The following SGMS1 variants were observed in gnomAD, a reference collection of about 807,000 sequenced individuals.
SGMS1 encodes the protein phosphatidylcholine:ceramide cholinephosphotransferase 1.
Under a neutral mutation model 46.2 loss-of-function variants are expected in SGMS1, and 13 were observed. That is an observed-to-expected ratio of 0.28 (90% confidence interval 0.18 to 0.45). The LOEUF (loss-of-function observed/expected upper bound fraction) is 0.45, where lower values mean the gene tolerates loss of function less well. Ranked by LOEUF, SGMS1 falls within the 20% of genes least tolerant of loss-of-function variation. SGMS1 has a pLI of 1.00. For synonymous variants in SGMS1, 203 were observed against 187.8 expected (o/e 1.08, Z -0.66); for missense variants, 324 against 519.9 (o/e 0.62, Z 3.66).
At chr10:50,574,813 A>G (rs377180372) in intron 2 of SGMS1, among the ~76,000 whole-genome samples, 21 of 152,118 alleles carry the variant, frequency 1.4e-4, no homozygotes, top group African/African-American at 5.1e-4. Context: ...ACACAAAGAA[A>G]TGACAAATGT....
chr10:50,403,906 C>T (rs1173006338), intron 6 of SGMS1, among the ~76,000 whole-genome samples: 2 of 151,788 alleles, frequency 1.3e-5, no homozygotes, highest in Non-Finnish European at 2.9e-5. Context: ...AACCCCTACC[C>T]TTCTTTTATT....
chr10:50,325,536 C>T (rs542341760), intron 8 of SGMS1, among the ~76,000 whole-genome samples: 9 of 152,244 alleles, frequency 5.9e-5, no homozygotes, highest in East Asian at 3.9e-4. Flanking sequence ...TCTGTGTTTA[C>T]GAAGAAAACC....
intron 7 of SGMS1, among the ~76,000 whole-genome samples, chr10:50,338,136 T>A (rs957352285): frequency 9.2e-5 from 14 of 152,274 alleles, no homozygotes; most frequent in African/African-American, 3.4e-4. Flanking sequence ...GGGATCAATT[T>A]TCAGAGAAAA....
At chr10:50,490,337 A>G (rs1367593583) in intron 3 of SGMS1, among the ~76,000 whole-genome samples, 1 of 152,192 alleles carries the variant, frequency 6.6e-6, no homozygotes, top group Non-Finnish European at 1.5e-5. Flanking sequence ...GGTAAAAGAC[A>G]AGCTTTGAAT....
In SGMS1 at chr10:50,560,810, A is replaced by T. The variant is rs192612381; in HGVS notation, c.-589+29343T>A. Among the ~76,000 whole-genome samples, 721 of 152,138 alleles carry T rather than the reference A, an allele frequency of 4.7e-3. 8 individuals are homozygous for T. Among genetic ancestry groups the T allele is most frequent in the Non-Finnish European group, 8.1e-3 (551 of 68,004 alleles). ...TTTTCTTGCTGACTCTAGCCATACA[A>T]TTGCCAGGTGTTAATGCCAGACACT... On this transcript the variant is annotated intron_variant, in intron 2 of 10. Transcript: ENST00000361781.
chr10:50,455,716 G>C (rs1837182551), intron 5 of SGMS1, among the ~76,000 whole-genome samples: 1 of 152,114 alleles, frequency 6.6e-6, no homozygotes, highest in African/African-American at 2.4e-5. Flanking sequence ...TCTAGAAATA[G>C]ATAATGAAGA....
intron 3 of SGMS1, among the ~76,000 whole-genome samples, chr10:50,487,339 G>C (rs748140267): frequency 1.4e-4 from 21 of 152,252 alleles, no homozygotes; most frequent in East Asian, 9.6e-4. Context: ...TCAGGGGAAG[G>C]GGGTGGAGGG....
chr10:50,431,563 C>T (rs1849404406), intron 6 of SGMS1, among the ~76,000 whole-genome samples: 1 of 152,152 alleles, frequency 6.6e-6, no homozygotes, highest in Non-Finnish European at 1.5e-5. Context: ...ATTGAGATGT[C>T]TGATCTGGTT....
At chr10:50,574,471 T>C (rs917258826) in intron 2 of SGMS1, among the ~76,000 whole-genome samples, 2 of 152,204 alleles carry the variant, frequency 1.3e-5, no homozygotes, top group Admixed American at 6.5e-5. Context: ...AGAATGGCTA[T>C]TATTTAAAAG....
At chr10:50,464,967 G>C (rs1048167608) in intron 4 of SGMS1, among the ~76,000 whole-genome samples, 2 of 152,126 alleles carry the variant, frequency 1.3e-5, no homozygotes, top group Admixed American at 1.3e-4. Context: ...TTCAAACCTA[G>C]ACTCCAGATA....
intron 6 of SGMS1, among the ~76,000 whole-genome samples, chr10:50,377,694 T>TA (rs1848539236): frequency 1.3e-5 from 2 of 152,166 alleles, no homozygotes; most frequent in African/African-American, 4.8e-5. Flanking sequence ...TGGGGGGCTT[T>TA]AAACAGAAAT....
intron 6 of SGMS1, among the ~76,000 whole-genome samples, chr10:50,395,609 C>CA (rs1848838501): frequency 6.6e-6 from 1 of 152,070 alleles, no homozygotes; most frequent in African/African-American, 2.4e-5. Context: ...CTGTTATTTC[C>CA]ACAAAACTAA....
intron 6 of SGMS1, among the ~76,000 whole-genome samples, chr10:50,403,648 G>T (rs919210126): frequency 6.6e-5 from 10 of 151,504 alleles, no homozygotes; most frequent in African/African-American, 2.4e-4. Context: ...GCTAAATTCT[G>T]ACGTTTCCAG....
chr10:50,465,295 C>T (rs1837316054), intron 4 of SGMS1, among the ~76,000 whole-genome samples: 1 of 152,074 alleles, frequency 6.6e-6, no homozygotes, highest in Non-Finnish European at 1.5e-5. Context: ...GAACAGACAA[C>T]TAAATCCCCA....
At chr10:50,499,722 T>C (rs1837645433) in intron 3 of SGMS1, among the ~76,000 whole-genome samples, 1 of 152,282 alleles carries the variant, frequency 6.6e-6, no homozygotes, top group Admixed American at 6.5e-5. Flanking sequence ...TTTTAAGTTA[T>C]ACTTAATTTA....
At chr10:50,433,848 CAACAGTA>C (rs1223246161) in intron 5 of SGMS1, among the ~76,000 whole-genome samples, 1 of 152,128 alleles carries the variant, frequency 6.6e-6, no homozygotes, top group Non-Finnish European at 1.5e-5. Flanking sequence ...TCCCAGGCGG[CAACAGTA>C]TTAGAGTAAC....
intron 5 of SGMS1, among the ~76,000 whole-genome samples, chr10:50,440,351 C>G (rs990811165): frequency 6.6e-6 from 1 of 151,250 alleles, no homozygotes; most frequent in Non-Finnish European, 1.5e-5. Context: ...TTCTCAGTAC[C>G]AAGAATAAAT....
At chr10:50,357,419 ACTCG>A (rs1471852275) in intron 6 of SGMS1, among the ~76,000 whole-genome samples, 1 of 152,112 alleles carries the variant, frequency 6.6e-6, no homozygotes, top group Non-Finnish European at 1.5e-5. Flanking sequence ...GTCATCTGGC[ACTCG>A]CTAGAAACAA....
At chr10:50,389,742 G>A (rs1848737535) in intron 6 of SGMS1, among the ~76,000 whole-genome samples, 1 of 152,012 alleles carries the variant, frequency 6.6e-6, no homozygotes, top group Non-Finnish European at 1.5e-5. Context: ...GCCTAGCTAT[G>A]CCCACAAAAC....
Sources: gnomAD v4.1 joint callset for allele counts (sites outside exome capture counted in the v4.1 genomes callset) on GRCh38, gnomAD v4.1.1 for gene constraint, MANE v1.5 for transcripts, NCBI Gene and HGNC (gene_info 2026-07-23, HGNC 2026-07-21) for gene names.